The following ANKRD55 variants were observed in gnomAD, a reference collection of about 807,000 sequenced individuals.
The protein encoded by ANKRD55 is ankyrin repeat domain 55, also known as ankyrin repeat domain-containing protein 55.
Under a neutral mutation model 60.6 loss-of-function variants are expected in ANKRD55, and 41 were observed. The observed-to-expected ratio is 0.68, with a 90% CI of 0.53 to 0.88. The LOEUF (loss-of-function observed/expected upper bound fraction) is 0.88, where lower values mean the gene tolerates loss of function less well. Ranked by LOEUF, ANKRD55 falls within the 40% of genes least tolerant of loss-of-function variation. ANKRD55 has a pLI of 0.00. For missense variants in ANKRD55, 732 were observed against 767.6 expected (o/e 0.95, Z 0.55); for synonymous variants, 264 against 290.3 (o/e 0.91, Z 0.92).
intron 2 of ANKRD55, among the ~76,000 whole-genome samples, chr5:56,197,321 C>T (rs1280631989): frequency 6.6e-6 from 1 of 152,090 alleles, no homozygotes; most frequent in African/African-American, 2.4e-5. Context: ...AGGAAGGGTT[C>T]ATTAAGTACT....
chr5:56,159,550 C>T (rs1758273470), intron 6 of ANKRD55, among the ~76,000 whole-genome samples: 1 of 152,052 alleles, frequency 6.6e-6, no homozygotes. Flanking sequence ...ATATTTATTT[C>T]TCAATGTCCA....
chr5:56,115,202 AAAT>A (rs35122181), intron 9 of ANKRD55, among the ~76,000 whole-genome samples: 2,103 of 98,076 alleles, frequency 0.021, 59 homozygotes, highest in African/African-American at 0.06. Context: ...CTGGTTCTAA[AAAT>A]AATAATAATA....
chr5:56,210,528 T>A (rs145590996), intron 2 of ANKRD55, among the ~76,000 whole-genome samples: 1,285 of 122,366 alleles, frequency 0.011, 17 homozygotes, highest in African/African-American at 0.039. Flanking sequence ...CGCGACTGCC[T>A]CCAGCCTGGG....
At position 56,233,329 on chromosome 5, in the gene ANKRD55, G is replaced by A. The variant is rs140147282; in HGVS notation, c.-122C>T. The stretch of plus-strand genomic sequence containing the variant: ...CACCAACAGAAATCTGAATGGGTGA[G>A]TGAGGATTCACAGGGCCAGACAGAG... On this transcript the variant is annotated 5_prime_UTR_variant, in exon 1 of 12. Transcript: ENST00000341048. The A allele has an allele frequency of 1.2e-3, 268 of 219,462 alleles. 1 individual carries two copies. Among genetic ancestry groups the A allele is most frequent in the African/African-American group, 5.8e-3 (252 of 43,748 alleles). 13.6% of individuals were successfully genotyped at this position (219,462 alleles called of 1,614,324 possible).
chr5:56,108,054 G>A (rs1410502312), intron 10 of ANKRD55, among the ~76,000 whole-genome samples: 1 of 151,770 alleles, frequency 6.6e-6, no homozygotes, highest in East Asian at 1.9e-4. Context: ...TGTATTTTTT[G>A]TAGAGACGAA....
rs35522199 is a variant in ANKRD55 at position 56,155,220 on chromosome 5, TAA to T, written c.483+4611_483+4612del. On this transcript the variant is annotated intron_variant, in intron 6 of 11. Transcript: ENST00000341048. The stretch of plus-strand genomic sequence containing the variant: ...TCTGAGTGACAGAGTGAGACTGTCT[TAA>T]AAAAAAAAAAAAAAGTTTTCCAACG... Among the ~76,000 whole-genome samples the T allele has an allele frequency of 7.1e-3, 999 of 140,868 alleles. 5 individuals are homozygous for T. Among genetic ancestry groups the T allele is most frequent in the African/African-American group, 0.015 (585 of 38,072 alleles). The allele number at this position is 140,868 out of a possible 152,430, so 92.4% of individuals were successfully genotyped here.
At chr5:56,174,962 A>G (rs998367729) in intron 4 of ANKRD55, among the ~76,000 whole-genome samples, 1 of 152,112 alleles carries the variant, frequency 6.6e-6, no homozygotes, top group African/African-American at 2.4e-5. Context: ...TGGTACCTGC[A>G]TTTGACACTA....
In ANKRD55 at chr5:56,152,109, C is replaced by T. The variant is rs1034491882; in HGVS notation, c.483+7724G>A. On this transcript the variant is annotated intron_variant, in intron 6 of 11. Coordinates refer to ENST00000341048, the MANE Select transcript of ANKRD55 (RefSeq NM_024669.3). ...GGTGGGGGCTCCTAAGTAGTGGTGA[C>T]CCTACTCCATTTTTTTTTTTTTAGA... Among the ~76,000 whole-genome samples, 163 of 35,822 alleles carry T rather than the reference C, an allele frequency of 4.6e-3. 1 individual carries two copies. Among genetic ancestry groups the T allele is most frequent in the African/African-American group, 0.015 (155 of 10,450 alleles). 23.5% of individuals were successfully genotyped at this position (35,822 alleles called of 152,430 possible).
At chr5:56,104,343 C>T (rs1580932382) in intron 10 of ANKRD55, among the ~76,000 whole-genome samples, 2 of 152,268 alleles carry the variant, frequency 1.3e-5, no homozygotes, top group East Asian at 3.9e-4. Context: ...GGGACACAGC[C>T]TAGACTTCAA....
chr5:56,222,211 C>T lies in ANKRD55; in HGVS notation c.58+10645G>A, dbSNP rs190522306. On this transcript the variant is annotated intron_variant, in intron 2 of 11. Coordinates refer to ENST00000341048, the MANE Select transcript of ANKRD55 (RefSeq NM_024669.3). ...GCAATATTTGTGGTTCTGCAGCCTC[C>T]GCTGGTGATACCCAGGCAAACAGAG... is the stretch of plus-strand genomic sequence containing the variant. Among the ~76,000 whole-genome samples, 157 of 152,276 alleles carry T rather than the reference C, an allele frequency of 1.0e-3. 3 individuals are homozygous for T. The Middle Eastern group carries it at 0.027, about 26-fold the overall frequency.
At chr5:56,163,656 A>G (rs1758383667) in intron 5 of ANKRD55, among the ~76,000 whole-genome samples, 2 of 152,220 alleles carry the variant, frequency 1.3e-5, no homozygotes, top group South Asian at 2.1e-4. Flanking sequence ...CCAACCAGCC[A>G]GTGACCTTGG....
intron 7 of ANKRD55, among the ~76,000 whole-genome samples, chr5:56,143,144 C>T (rs150000643): frequency 2.6e-4 from 40 of 152,226 alleles, no homozygotes; most frequent in Admixed American, 6.5e-4. Context: ...AAGACAGAGA[C>T]GGGCTGGCAA....
intron 3 of ANKRD55, among the ~76,000 whole-genome samples, chr5:56,176,728 C>T (rs6881896): frequency 0.3 from 45,405 of 152,162 alleles, 12,158 homozygotes; most frequent in African/African-American, 0.71. Context: ...ATTGCACAAA[C>T]TCTTGCTGAA....
At chr5:56,113,986 CTATATATATATATA>C (rs3055156) in intron 9 of ANKRD55, among the ~76,000 whole-genome samples, 4,657 of 139,134 alleles carry the variant, frequency 0.033, 137 homozygotes, top group Admixed American at 0.055. Context: ...AATATGTATA[CTATATATATATATA>C]TATATATATA....
intron 6 of ANKRD55, among the ~76,000 whole-genome samples, chr5:56,147,401 A>C (rs1283917708): frequency 1.3e-5 from 2 of 152,318 alleles, no homozygotes; most frequent in East Asian, 3.9e-4. Flanking sequence ...AGGTTGTCTT[A>C]CTTTCTAAAA....
At chr5:56,121,703 G>A (rs1340569259) in intron 8 of ANKRD55, among the ~76,000 whole-genome samples, 1 of 152,106 alleles carries the variant, frequency 6.6e-6, no homozygotes, top group Non-Finnish European at 1.5e-5. Flanking sequence ...AAGATTGTAT[G>A]CTCCACGTGG....
At chr5:56,223,376 C>T (rs1435248830) in intron 2 of ANKRD55, among the ~76,000 whole-genome samples, 2 of 152,194 alleles carry the variant, frequency 1.3e-5, no homozygotes, top group Non-Finnish European at 2.9e-5. Context: ...AAAGGAACAA[C>T]TGGTATCAGC....
chr5:56,144,974 CT>C (rs1757862392), intron 6 of ANKRD55, among the ~76,000 whole-genome samples: 1 of 152,186 alleles, frequency 6.6e-6, no homozygotes, highest in Non-Finnish European at 1.5e-5. Context: ...TGAAGACTCT[CT>C]TTCTATAGTT....
At chr5:56,175,186 A>G (rs1263958073) in intron 4 of ANKRD55, among the ~76,000 whole-genome samples, 1 of 152,228 alleles carries the variant, frequency 6.6e-6, no homozygotes, top group Non-Finnish European at 1.5e-5. Flanking sequence ...GCAATGCTTC[A>G]TTGCAATCTA....
Sources: allele counts gnomAD v4.1 joint callset (sites outside exome capture counted in the v4.1 genomes callset), GRCh38; gene constraint gnomAD v4.1.1; transcripts MANE v1.5; gene names NCBI Gene and HGNC (gene_info 2026-07-23, HGNC 2026-07-21).